The following CNTN5 variants were observed in gnomAD, a reference collection of about 807,000 sequenced individuals.
The protein encoded by CNTN5 is contactin-5.
CNTN5 carries 77 observed loss-of-function variants against 129.1 expected under a neutral mutation model. That is an observed-to-expected ratio of 0.60 (90% CI 0.50 to 0.72). The LOEUF (loss-of-function observed/expected upper bound fraction) is 0.72. Ranked by LOEUF, CNTN5 falls within the 30% of genes least tolerant of loss-of-function variation. The pLI is 0.00. For synonymous variants in CNTN5, 509 were observed against 465.6 expected (o/e 1.09, Z -1.20); for missense variants, 1,478 against 1,328.8 (o/e 1.11, Z -1.75).
At chr11:99,999,657 G>C (rs9795261) in intron 8 of CNTN5, among the ~76,000 whole-genome samples, 4,403 of 152,188 alleles carry the variant, frequency 0.029, 198 homozygotes, top group East Asian at 0.2. Flanking sequence ...CCATTACTGG[G>C]TATATACCCA....
At chr11:99,676,084 A>C (rs1430877510) in intron 3 of CNTN5, among the ~76,000 whole-genome samples, 6 of 152,280 alleles carry the variant, frequency 3.9e-5, no homozygotes, top group African/African-American at 1.4e-4. Flanking sequence ...TAATATGTAA[A>C]ACTATGAAGT....
In CNTN5 at chr11:99,704,059, G is replaced by A. The variant is rs1351888161; in HGVS notation, c.56-115485G>A. On this transcript the variant is annotated intron_variant, in intron 3 of 24. Coordinates refer to ENST00000524871, the MANE Select transcript of CNTN5 (RefSeq NM_014361.4). ...ATTATATGTGTGTATATATATATAT[G>A]TGTGTGTGTGTATGTGTGTGTGTGT... Among the ~76,000 whole-genome samples, 6 of 147,226 alleles carry A rather than the reference G, an allele frequency of 4.1e-5. No homozygotes were observed. In the Admixed American group the frequency reaches 4.1e-4, roughly 10 times the overall value.
chr11:100,187,530 A>G (rs1207527013), intron 13 of CNTN5, among the ~76,000 whole-genome samples: 2 of 152,108 alleles, frequency 1.3e-5, no homozygotes, highest in African/African-American at 2.4e-5. Context: ...ATCATATTAC[A>G]GGGCTTCAAA....
At chr11:100,094,209 A>C (rs1466188) in intron 13 of CNTN5, among the ~76,000 whole-genome samples, 6,210 of 152,130 alleles carry the variant, frequency 0.041, 397 homozygotes, top group African/African-American at 0.14. Context: ...CTTATCAGCT[A>C]TGGTCTATGG....
intron 1 of CNTN5, among the ~76,000 whole-genome samples, chr11:99,234,108 G>A (rs755936790): frequency 6.6e-6 from 1 of 152,070 alleles, no homozygotes; most frequent in Non-Finnish European, 1.5e-5. Context: ...ATTTCTGAAT[G>A]TTTTCTTGGT....
intron 2 of CNTN5, among the ~76,000 whole-genome samples, chr11:99,451,581 A>C (rs557302657): frequency 6.6e-6 from 1 of 152,286 alleles, no homozygotes; most frequent in East Asian, 1.9e-4. Flanking sequence ...AGTGGAAATT[A>C]TTTTTATATG....
chr11:99,315,201 A>G (rs1865291010), intron 1 of CNTN5, among the ~76,000 whole-genome samples: 1 of 148,904 alleles, frequency 6.7e-6, no homozygotes, highest in African/African-American at 2.4e-5. Context: ...CACTGAGCAT[A>G]AGTAGTTCAC....
intron 3 of CNTN5, among the ~76,000 whole-genome samples, chr11:99,569,774 C>T (rs1949120055): frequency 6.6e-6 from 1 of 152,110 alleles, no homozygotes; most frequent in Non-Finnish European, 1.5e-5. Context: ...ACAAACTATG[C>T]TCCCTGTTGC....
chr11:99,892,995 G>T (rs909021977), intron 6 of CNTN5, among the ~76,000 whole-genome samples: 2 of 152,060 alleles, frequency 1.3e-5, no homozygotes, highest in Non-Finnish European at 2.9e-5. Flanking sequence ...TAAATATATT[G>T]CATGAGCATT....
intron 2 of CNTN5, among the ~76,000 whole-genome samples, chr11:99,447,401 A>G (rs2135175605): frequency 6.6e-6 from 1 of 152,300 alleles, no homozygotes; most frequent in East Asian, 1.9e-4. Context: ...TATCTTAACT[A>G]TCCTCTTCTA....
At chr11:99,561,466 C>G (rs967169112) in intron 3 of CNTN5, among the ~76,000 whole-genome samples, 1 of 152,046 alleles carries the variant, frequency 6.6e-6, no homozygotes, top group Non-Finnish European at 1.5e-5. Flanking sequence ...ATACTTCATC[C>G]TCAAGGAGGT....
chr11:99,084,651 T>G (rs1189782798), intron 1 of CNTN5, among the ~76,000 whole-genome samples: 1 of 152,198 alleles, frequency 6.6e-6, no homozygotes, highest in Non-Finnish European at 1.5e-5. Flanking sequence ...ATTTACCTTT[T>G]TCTTCAACTG....
chr11:99,523,714 T>C (rs72993124), intron 2 of CNTN5, among the ~76,000 whole-genome samples: 1,045 of 96,634 alleles, frequency 0.011, 15 homozygotes, highest in South Asian at 0.033. Flanking sequence ...CAGAATAGAA[T>C]AGAATAGAAT....
chr11:99,699,531 A>T (rs1039280980), intron 3 of CNTN5, among the ~76,000 whole-genome samples: 1 of 151,602 alleles, frequency 6.6e-6, no homozygotes, highest in African/African-American at 2.4e-5. Flanking sequence ...TAATGAATAA[A>T]CAATACTCTG....
intron 3 of CNTN5, among the ~76,000 whole-genome samples, chr11:99,621,649 T>C (rs1044265184): frequency 6.6e-6 from 1 of 152,220 alleles, no homozygotes; most frequent in Admixed American, 6.5e-5. Flanking sequence ...GCATTGGTAA[T>C]ATTTTTCATT....
At position 99,306,521 on chromosome 11, in the gene CNTN5, T is replaced by A. The variant is rs78915821; in HGVS notation, c.-209-18825T>A. On this transcript the variant is annotated intron_variant, in intron 1 of 24. Transcript: ENST00000524871. ...GCTCACACTGTAGATATTTCCAATA[T>A]AGATTATATATTGTTTCAGAGTTTG... Among the ~76,000 whole-genome samples the A allele has an allele frequency of 8.6e-4, 131 of 152,196 alleles. No homozygotes were observed. In the East Asian group the frequency reaches 0.021, roughly 24 times the overall value.
At chr11:99,287,576 T>A (rs981398230) in intron 1 of CNTN5, among the ~76,000 whole-genome samples, 1 of 152,068 alleles carries the variant, frequency 6.6e-6, no homozygotes, top group South Asian at 2.1e-4. Flanking sequence ...GTGGATTATA[T>A]GAGAATATAG....
chr11:99,074,938 C>T (rs1020094224), intron 1 of CNTN5, among the ~76,000 whole-genome samples: 17 of 152,060 alleles, frequency 1.1e-4, no homozygotes, highest in South Asian at 8.3e-4. Context: ...TAAAACATGC[C>T]GCATTGAAAA....
At chr11:99,838,380 T>C (rs1947371466) in intron 4 of CNTN5, among the ~76,000 whole-genome samples, 1 of 152,194 alleles carries the variant, frequency 6.6e-6, no homozygotes, top group African/African-American at 2.4e-5. Context: ...GATACTTCTA[T>C]CTCTTATTTT....
Sources: allele counts gnomAD v4.1 joint callset (sites outside exome capture counted in the v4.1 genomes callset), GRCh38; gene constraint gnomAD v4.1.1; transcripts MANE v1.5; gene names NCBI Gene and HGNC (gene_info 2026-07-23, HGNC 2026-07-21).